The following CLPTM1 variants were observed in gnomAD, a reference collection of about 807,000 sequenced individuals.
The protein encoded by CLPTM1 is putative lipid scramblase CLPTM1.
CLPTM1 carries 21 observed loss-of-function variants against 77.3 expected under a neutral mutation model. That is an observed-to-expected ratio of 0.27 (90% CI 0.19 to 0.39). The LOEUF is 0.39. CLPTM1 is among the 10% of genes least tolerant of loss of function. The probability of loss-of-function intolerance (pLI) is 1.00; values close to 1 mark genes in which losing one functional copy is unlikely to be tolerated. For missense variants in CLPTM1, 642 were observed against 921.2 expected (o/e 0.70, Z 3.92); for synonymous variants, 373 against 381.0 (o/e 0.98, Z 0.24).
At chr19:44,982,356 A>T (rs1970911544) in intron 5 of CLPTM1, among the ~76,000 whole-genome samples, 1 of 152,244 alleles carries the variant, frequency 6.6e-6, no homozygotes, top group Non-Finnish European at 1.5e-5. Flanking sequence ...CAAAAAAAAA[A>T]AAAAGGGTCT....
chr19:44,961,450 C>G (rs925751710), intron 1 of CLPTM1, among the ~76,000 whole-genome samples: 12 of 152,212 alleles, frequency 7.9e-5, no homozygotes, highest in Non-Finnish European at 1.2e-4. Flanking sequence ...CTCCTTGCAT[C>G]CTGGCTCCAG....
chr19:44,955,774 C>T, intron 1 of CLPTM1: 1 of 317,732 alleles, frequency 3.1e-6, no homozygotes, highest in Non-Finnish European at 5.7e-6. Context: ...TTCTCAACTC[C>T]GCGATTCCAT....
At chr19:44,979,708 A>C (rs204476) in intron 5 of CLPTM1, among the ~76,000 whole-genome samples, 140,404 of 152,128 alleles carry the variant, frequency 0.92, 64,957 homozygotes, top group Non-Finnish European at 0.96. Flanking sequence ...AGTGTGTCTG[A>C]AGAATGTGCT....
At chr19:44,989,174 G>A (rs1971029583) in intron 9 of CLPTM1, among the ~76,000 whole-genome samples, 1 of 152,162 alleles carries the variant, frequency 6.6e-6, no homozygotes, top group East Asian at 1.9e-4. Context: ...CCAAAAAAAA[G>A]GACGCTCTTG....
chr19:44,958,573 G>C (rs566358551), intron 1 of CLPTM1, among the ~76,000 whole-genome samples: 1 of 152,120 alleles, frequency 6.6e-6, no homozygotes, highest in South Asian at 2.1e-4. Context: ...GGTTTCACCA[G>C]GTTGGCCAGG....
intron 4 of CLPTM1, among the ~76,000 whole-genome samples, chr19:44,975,844 G>T (rs530811981): frequency 1.3e-5 from 2 of 152,126 alleles, no homozygotes; most frequent in East Asian, 3.9e-4. Flanking sequence ...GATTACAGGC[G>T]TGAGACACCG....
At position 44,992,317 on chromosome 19, in the gene CLPTM1, A is replaced by G; in HGVS notation, c.1640A>G (p.Lys547Arg). 1 of 1,614,102 alleles carries G rather than the reference A, an allele frequency of 6.2e-7. No individual in the cohort carries two copies. The highest frequency in any genetic ancestry group is 1.1e-5 in the South Asian group (1 of 91,078). ...CTTCCCTGGCGCATGCTCACCTACAAGGCCCTCAACACATTCATCGACGAC... is the reference window on the plus strand; with the variant it reads ...CTTCCCTGGCGCATGCTCACCTACAGGGCCCTCAACACATTCATCGACGAC... The part of the protein sequence containing the change: ...AHLPWRMLTY[K>R]ALNTFIDDLF... The change falls in exon 13 of 14, where the codon AAG becomes AGG. Residue 547 changes from lysine to arginine, a missense_variant. Transcript: ENST00000337392. This position sits in a 1 kb window ranked among gnomAD's most constrained non-coding sequence, Gnocchi z 7.7.
rs1403948773 is a variant in CLPTM1 at position 44,992,846 on chromosome 19, C to T, written c.1959C>T (p.Ser653=). Residue 653 remains serine, a synonymous_variant, in exon 14 of 14, where the codon AGC becomes AGT. Coordinates refer to ENST00000337392, the MANE Select transcript of CLPTM1 (RefSeq NM_001294.4). The surrounding 1 kb of genome is among the most constrained non-coding windows in gnomAD (Gnocchi z 7.7). ...TKPTQGASSA[S]EPQEAPPKPA... ...CCACCCAGGGGGCCAGCTCTGCCAG[C>T]GAGCCCCAGGAAGCCCCTCCAAAGC... 7 of 1,613,732 alleles carry T rather than the reference C, an allele frequency of 4.3e-6. No homozygotes were observed. The highest frequency in any genetic ancestry group is 5.9e-6 in the Non-Finnish European group (7 of 1,179,864).
chr19:44,955,591 AT>A, intron 1 of CLPTM1, 124 bp downstream of exon 1: 1 of 966,426 alleles, frequency 1.0e-6, no homozygotes, highest in East Asian at 3.4e-5. Flanking sequence ...GGGACCTTGA[AT>A]ACCCGGCCCA....
chr19:44,955,038 C>T, upstream of CLPTM1: 2 of 1,535,598 alleles, frequency 1.3e-6, no homozygotes, highest in Admixed American at 3.9e-5. Flanking sequence ...GAAGAATCGG[C>T]AGGGAGAAGC....
chr19:44,965,841 A>G (rs1466617244), intron 2 of CLPTM1, among the ~76,000 whole-genome samples: 1 of 152,186 alleles, frequency 6.6e-6, no homozygotes, highest in African/African-American at 2.4e-5. Context: ...AAAAAATAAA[A>G]CAATCATTCC....
chr19:44,969,731 A>G (rs1393473835), intron 2 of CLPTM1, among the ~76,000 whole-genome samples: 1 of 144,406 alleles, frequency 6.9e-6, no homozygotes, highest in Non-Finnish European at 1.5e-5. Context: ...TCTGTCACCC[A>G]GACTGGAGTC....
chr19:44,967,261 A>G lies in CLPTM1; in HGVS notation c.185+5186A>G, dbSNP rs558044242. Among the ~76,000 whole-genome samples the G allele has an allele frequency of 9.2e-5, 14 of 152,136 alleles. No individual in the cohort carries two copies. In the South Asian group the frequency reaches 1.0e-3, roughly 11 times the overall value. On this transcript the variant is annotated intron_variant, in intron 2 of 13. Transcript: ENST00000337392. Reference sequence around the variant, plus strand: ...TTGAGCCCAGGAGGTCAAGGCTGCAATGGGCCGTGATGATACTACTGCACT... The same window carrying G: ...TTGAGCCCAGGAGGTCAAGGCTGCAGTGGGCCGTGATGATACTACTGCACT...
At chr19:44,989,001 C>T (rs1279312914) in intron 9 of CLPTM1, among the ~76,000 whole-genome samples, 2 of 152,166 alleles carry the variant, frequency 1.3e-5, no homozygotes, top group Non-Finnish European at 2.9e-5. Flanking sequence ...GGCAACAAAG[C>T]GAGATTCGTT....
chr19:44,958,764 A>G (rs539425989), intron 1 of CLPTM1, among the ~76,000 whole-genome samples: 1 of 152,352 alleles, frequency 6.6e-6, no homozygotes, highest in African/African-American at 2.4e-5. Flanking sequence ...TGGTGCAGCC[A>G]TCACCACAGT....
chr19:44,992,159 G>T lies in CLPTM1; in HGVS notation c.1556-74G>T. The T allele has an allele frequency of 6.6e-7, 1 of 1,516,502 alleles. No homozygotes were observed. The highest frequency in any genetic ancestry group is 1.4e-5 in the African/African-American group (1 of 72,784). 93.9% of individuals were successfully genotyped at this position (1,516,502 alleles called of 1,614,324 possible). On this transcript the variant is annotated intron_variant, in intron 12 of 13. Coordinates refer to ENST00000337392, the MANE Select transcript of CLPTM1 (RefSeq NM_001294.4). This position sits in a 1 kb window ranked among gnomAD's most constrained non-coding sequence, Gnocchi z 7.7. ...GGTGTAGGAAGTGGTGAGGGGGCTGGTATGGCCAGTGCAGAGTGCACAGGG... is the reference window on the plus strand; with the variant it reads ...GGTGTAGGAAGTGGTGAGGGGGCTGTTATGGCCAGTGCAGAGTGCACAGGG...
At chr19:44,970,551 C>G (rs1461832861) in intron 2 of CLPTM1, among the ~76,000 whole-genome samples, 2 of 145,708 alleles carry the variant, frequency 1.4e-5, no homozygotes, top group African/African-American at 2.7e-5. Context: ...AGGCATGGTG[C>G]GTGCTGCCAT....
chr19:44,979,015 A>G (rs1334077279), intron 5 of CLPTM1, among the ~76,000 whole-genome samples: 1 of 139,018 alleles, frequency 7.2e-6, no homozygotes, highest in Admixed American at 7.5e-5. Flanking sequence ...GGGTCTCACT[A>G]TGTCGCCCAG....
intron 5 of CLPTM1, among the ~76,000 whole-genome samples, chr19:44,983,008 C>T (rs1970922202): frequency 6.6e-6 from 1 of 150,930 alleles, no homozygotes; most frequent in Non-Finnish European, 1.5e-5. Flanking sequence ...TTACAGTGAG[C>T]TGAAGTCATG....
Sources: gnomAD v4.1 joint callset for allele counts (sites outside exome capture counted in the v4.1 genomes callset) on GRCh38, gnomAD v4.1.1 for gene constraint, Gnocchi (gnomAD v3.1) non-coding constraint, MANE v1.5 for transcripts, NCBI Gene and HGNC (gene_info 2026-07-23, HGNC 2026-07-21) for gene names.